JMY: variants seen among roughly 807,000 people sequenced by gnomAD.
JMY encodes junction-mediating and -regulatory protein.
Under a neutral mutation model 103.3 loss-of-function variants are expected in JMY, and 46 were observed. That is an observed-to-expected ratio of 0.45 (90% CI 0.35 to 0.57). The LOEUF is 0.57. Among genes scored for constraint, JMY ranks in the 20% least tolerant of loss-of-function variants. JMY has a pLI of 0.00. For missense variants in JMY, 1,238 were observed against 1,255.2 expected (o/e 0.99, Z 0.21); for synonymous variants, 526 against 489.3 (o/e 1.07, Z -0.99).
intron 1 of JMY, among the ~76,000 whole-genome samples, chr5:79,270,670 A>G (rs1745754237): frequency 6.9e-6 from 1 of 145,458 alleles, no homozygotes; most frequent in African/African-American, 2.5e-5. Flanking sequence ...TTACATAAAT[A>G]TAAAATATAT....
chr5:79,262,465 T>G (rs1274508478), intron 1 of JMY, among the ~76,000 whole-genome samples: 1 of 152,244 alleles, frequency 6.6e-6, no homozygotes, highest in African/African-American at 2.4e-5. Flanking sequence ...AGTTAGTGAT[T>G]ATTTTTTCAC....
chr5:79,253,762 G>C (rs941360271), intron 1 of JMY, among the ~76,000 whole-genome samples: 1 of 152,088 alleles, frequency 6.6e-6, no homozygotes, highest in South Asian at 2.1e-4. Context: ...GTGGCATGCA[G>C]TGGAGTGCAG....
At chr5:79,310,883 G>A (rs956169932) in intron 7 of JMY, among the ~76,000 whole-genome samples, 3 of 152,136 alleles carry the variant, frequency 2.0e-5, no homozygotes, top group African/African-American at 7.2e-5. Context: ...GCTCCTGTCT[G>A]TAATCCTAGC....
In JMY at chr5:79,258,311, G is replaced by GTTTTT. The variant is rs1491360478; in HGVS notation, c.1033-19597_1033-19596insTTTTT. On this transcript the variant is annotated intron_variant, in intron 1 of 10. Transcript: ENST00000396137. ...AGATATTAGGGCTTTTTTTGTTTTT[G>GTTTTT]TTGTTTTTTTTTTTTTTTTGACAGG... Among the ~76,000 whole-genome samples the GTTTTT allele has an allele frequency of 1.6e-4, 13 of 81,840 alleles. 1 individual carries two copies. The highest frequency in any genetic ancestry group is 3.2e-4 in the African/African-American group (10 of 31,128). 53.7% of individuals were successfully genotyped at this position (81,840 alleles called of 152,430 possible). A position where few individuals can be genotyped will look rare whatever the true frequency, so the allele number is the denominator to read the frequency against.
chr5:79,264,830 G>A (rs1348870567), intron 1 of JMY, among the ~76,000 whole-genome samples: 1 of 152,158 alleles, frequency 6.6e-6, no homozygotes, highest in African/African-American at 2.4e-5. Flanking sequence ...CTCAATTTTA[G>A]TTTAAATAGT....
At chr5:79,265,943 C>T (rs536000611) in intron 1 of JMY, among the ~76,000 whole-genome samples, 9 of 152,186 alleles carry the variant, frequency 5.9e-5, no homozygotes, top group South Asian at 2.1e-4. Flanking sequence ...CCACCACACT[C>T]GGCTAGTACT....
chr5:79,306,784 G>A (rs970648014), intron 7 of JMY, among the ~76,000 whole-genome samples: 1 of 152,008 alleles, frequency 6.6e-6, no homozygotes, highest in Non-Finnish European at 1.5e-5. Context: ...CCCAAAATCT[G>A]TTGCTTATGT....
intron 7 of JMY, among the ~76,000 whole-genome samples, chr5:79,309,743 A>G (rs1415947808): frequency 6.6e-6 from 1 of 152,192 alleles, no homozygotes; most frequent in African/African-American, 2.4e-5. Context: ...TAGAATCTAG[A>G]AATAGATTAA....
At chr5:79,242,379 G>A (rs930568149) in intron 1 of JMY, among the ~76,000 whole-genome samples, 7 of 152,174 alleles carry the variant, frequency 4.6e-5, no homozygotes, top group African/African-American at 1.7e-4. Flanking sequence ...AAAGTGCCTG[G>A]CACTTACTAA....
intron 2 of JMY, among the ~76,000 whole-genome samples, chr5:79,281,991 G>T (rs968786620): frequency 2.0e-5 from 3 of 152,050 alleles, no homozygotes; most frequent in Admixed American, 2.0e-4. Flanking sequence ...GGATCACAAG[G>T]TCAGGAGATG....
In JMY at chr5:79,323,288, C is replaced by G. The variant is rs1030927777; in HGVS notation, c.*1686C>G. The G allele has an allele frequency of 6.6e-6, 1 of 152,248 alleles. No individual in the cohort carries two copies. The highest frequency in any genetic ancestry group is 2.4e-5 in the African/African-American group (1 of 41,552). 9.4% of individuals were successfully genotyped at this position (152,248 alleles called of 1,614,324 possible). A position where few individuals can be genotyped will look rare whatever the true frequency, so the allele number is the denominator to read the frequency against. ...TTTATTTATTTAAATGTTAGTAATA[C>G]GTTTATTGATGAGACTAGGAGCTTC... On this transcript the variant is annotated 3_prime_UTR_variant, in exon 11 of 11. Coordinates refer to ENST00000396137, the MANE Select transcript of JMY (RefSeq NM_152405.5).
At position 79,312,871 on chromosome 5, in the gene JMY, A is replaced by G. The variant is rs191550060; in HGVS notation, c.2064+373A>G. ...TCAGCCTGTGGTGGTAATACATCAA[A>G]TGACCATTGGCAGAATTAGAGGTGG... is the stretch of plus-strand genomic sequence containing the variant. On this transcript the variant is annotated intron_variant, in intron 8 of 10. Transcript: ENST00000396137. Among the ~76,000 whole-genome samples, 666 of 152,296 alleles carry G rather than the reference A, an allele frequency of 4.4e-3. 3 individuals carry two copies. Among genetic ancestry groups the G allele is most frequent in the Non-Finnish European group, 5.2e-3 (351 of 68,028 alleles).
rs1746885937 is a variant in JMY at position 79,306,481 on chromosome 5, T to A, written c.1968+20T>A. The A allele has an allele frequency of 6.4e-7, 1 of 1,561,950 alleles. No individual in the cohort carries two copies. The highest frequency in any genetic ancestry group is 8.8e-7 in the Non-Finnish European group (1 of 1,137,564). The stretch of plus-strand genomic sequence containing the variant: ...CAACTAGTAAGTTTGGATTCGAAGA[T>A]TTTGAACAAAACTTAATTTTTTTGC... On this transcript the variant is annotated intron_variant, in intron 7 of 10. Coordinates refer to ENST00000396137, the MANE Select transcript of JMY (RefSeq NM_152405.5).
intron 1 of JMY, among the ~76,000 whole-genome samples, chr5:79,245,393 C>A (rs1744857344): frequency 6.6e-6 from 1 of 151,894 alleles, no homozygotes; most frequent in African/African-American, 2.4e-5. Context: ...TCAGAAGCAT[C>A]CCACTACACT....
chr5:79,305,514 A>G (rs1048995314), intron 6 of JMY, among the ~76,000 whole-genome samples: 3 of 152,136 alleles, frequency 2.0e-5, no homozygotes, highest in Non-Finnish European at 2.9e-5. Context: ...TTTTATCTGG[A>G]AAACTTCTCC....
chr5:79,255,307 G>A (rs993951361), intron 1 of JMY, among the ~76,000 whole-genome samples: 1 of 152,068 alleles, frequency 6.6e-6, no homozygotes, highest in African/African-American at 2.4e-5. Context: ...ATGTTGGCCA[G>A]GCTGGTCTGG....
intron 2 of JMY, among the ~76,000 whole-genome samples, chr5:79,282,519 G>T (rs964269263): frequency 1.3e-5 from 2 of 152,180 alleles, no homozygotes; most frequent in African/African-American, 4.8e-5. Context: ...ACAAAATGGG[G>T]TGATCAGTGC....
intron 4 of JMY, among the ~76,000 whole-genome samples, chr5:79,297,912 A>G (rs1399750384): frequency 6.6e-6 from 1 of 152,102 alleles, no homozygotes. Context: ...TCTCAGTTTG[A>G]TTTTTGATAT....
At position 79,314,652 on chromosome 5, in the gene JMY, CCCA is replaced by C. The variant is rs753216034; in HGVS notation, c.2472_2474del (p.Pro825del). 3.6e-5 allele frequency: 57 copies of C among 1,564,028 alleles called. No individual in the cohort carries two copies. Among genetic ancestry groups the C allele is most frequent in the Non-Finnish European group, 4.3e-5 (49 of 1,149,258 alleles). On this transcript the variant is annotated inframe_deletion, in exon 9 of 11. Coordinates refer to ENST00000396137, the MANE Select transcript of JMY (RefSeq NM_152405.5). The stretch of plus-strand genomic sequence containing the variant: ...CACCTCCCCCACCTCCTCCCCCTCC[CCCA>C]CCACCACCACCTCTGCCTGTTGCTA...
Sources: gnomAD v4.1 joint callset for allele counts (sites outside exome capture counted in the v4.1 genomes callset) on GRCh38, gnomAD v4.1.1 for gene constraint, MANE v1.5 for transcripts, NCBI Gene and HGNC (gene_info 2026-07-23, HGNC 2026-07-21) for gene names.